The following EIF3I variants were observed in gnomAD, a reference collection of about 807,000 sequenced individuals.
EIF3I encodes the protein TGF-beta receptor-interacting protein 1.
A neutral mutation model predicts 43.3 loss-of-function variants in EIF3I; 20 were observed. The observed-to-expected ratio is 0.46, with a 90% CI of 0.32 to 0.67. EIF3I has a LOEUF of 0.67. EIF3I is among the 30% of genes least tolerant of loss of function. The pLI is 0.03. For missense variants in EIF3I, 279 were observed against 421.4 expected (o/e 0.66, Z 2.96); for synonymous variants, 167 against 151.7 (o/e 1.10, Z -0.74).
downstream of EIF3I, among the ~76,000 whole-genome samples, chr1:32,235,453 C>T (rs970477074): frequency 6.6e-6 from 1 of 152,054 alleles, no homozygotes; most frequent in Non-Finnish European, 1.5e-5. Flanking sequence ...GCCTCAGCCT[C>T]CAGAGTAGCT....
exon 8 of EIF3I, chr1:32,228,808 T>G: frequency 1.9e-6 from 3 of 1,613,414 alleles, no homozygotes; most frequent in Non-Finnish European, 2.5e-6. Context: ...CTCCCCCAAC[T>G]ATGACCATGT....
Position 32,228,662 on chromosome 1 carries a change from C to A in EIF3I, c.639+53C>A, listed in dbSNP as rs111871172. The A allele has an allele frequency of 8.3e-5, 133 of 1,604,636 alleles. 2 individuals are homozygous for A. The African/African-American group carries it at 1.4e-3, about 17-fold the overall frequency. On this transcript the variant is annotated intron_variant, in intron 7 of 11. Coordinates refer to ENST00000676679, the Ensembl canonical transcript of EIF3I. ...CTGCTCCCTCCCTCCGGCTGCACAG[C>A]TCACCCTGCCCGACTTCCCCCAGGA... is the stretch of plus-strand genomic sequence containing the variant.
chr1:32,229,592 C>T (rs1639203165), intron 9 of EIF3I, among the ~76,000 whole-genome samples: 1 of 139,392 alleles, frequency 7.2e-6, no homozygotes, highest in Non-Finnish European at 1.5e-5. Context: ...GCTCTGTCAC[C>T]CAGGCTGGAG....
chr1:32,224,035 T>A (rs1034196256), exon 3 of EIF3I: 4 of 1,614,156 alleles, frequency 2.5e-6, no homozygotes, highest in Non-Finnish European at 3.4e-6. Context: ...CTTTTCCAGA[T>A]CGTCAATGTA....
chr1:32,233,540 C>T (rs965561191), downstream of EIF3I, among the ~76,000 whole-genome samples: 3 of 151,190 alleles, frequency 2.0e-5, no homozygotes, highest in Admixed American at 2.0e-4. Context: ...ACCTGCCTGC[C>T]TCAGCTCCCA....
intron 7 of EIF3I, 54 bp from the exon 8 acceptor site, chr1:32,228,673 C>G: frequency 6.2e-7 from 1 of 1,603,930 alleles, no homozygotes; most frequent in Admixed American, 1.7e-5. Context: ...TCACCCTGCC[C>G]GACTTCCCCC....
chr1:32,228,514 G>A (rs1639184424), exon 7 of EIF3I: 2 of 1,614,136 alleles, frequency 1.2e-6, no homozygotes, highest in Non-Finnish European at 1.7e-6. Context: ...AGAGGTGTTG[G>A]TGAATGTTAA....
In EIF3I at chr1:32,225,793, C is replaced by T. The variant is rs1372810415; in HGVS notation, c.251-378C>T. Among the ~76,000 whole-genome samples the T allele has an allele frequency of 4.6e-5, 7 of 151,696 alleles. No individual in the cohort carries two copies. The East Asian group carries it at 9.7e-4, about 21-fold the overall frequency. On this transcript the variant is annotated intron_variant, in intron 4 of 11. Coordinates refer to ENST00000676679, the Ensembl canonical transcript of EIF3I. Reference sequence around the variant, plus strand: ...ATCCCAGCACTTTGGGAGGCTGAGGCGGGCGGATCACGGGTCAGGAGATCA... The same window carrying T: ...ATCCCAGCACTTTGGGAGGCTGAGGTGGGCGGATCACGGGTCAGGAGATCA...
chr1:32,226,037 A>G, intron 4 of EIF3I, 134 bp from the exon 5 acceptor site: 1 of 1,239,330 alleles, frequency 8.1e-7, no homozygotes, highest in Non-Finnish European at 1.1e-6. Context: ...GAAAAAAAAA[A>G]AGAAAAGTTA....
At chr1:32,229,048 A>C (rs574786196) in intron 8 of EIF3I, 87 bp from the exon 9 acceptor site, 1 of 1,396,966 alleles carries the variant, frequency 7.2e-7, no homozygotes, top group Non-Finnish European at 9.9e-7. Context: ...GAGCCGTGTG[A>C]GATGTTAAAA....
chr1:32,222,436 G>C, exon 1 of EIF3I: 1 of 1,598,998 alleles, frequency 6.3e-7, no homozygotes, highest in Non-Finnish European at 8.6e-7. Context: ...TCGCGTCACA[G>C]CCGGGATGGT....
chr1:32,232,170 C>A (rs1474552211), downstream of EIF3I: 1 of 152,202 alleles, frequency 6.6e-6, no homozygotes, highest in East Asian at 1.9e-4. Context: ...TCTGAGTCCT[C>A]CCTTCACACG....
At chr1:32,233,151 G>A (rs1035487889), downstream of EIF3I, among the ~76,000 whole-genome samples, 8 of 152,014 alleles carry the variant, frequency 5.3e-5, no homozygotes, top group African/African-American at 1.4e-4. Flanking sequence ...GTGCCAACAC[G>A]CCCGGCTAAT....
At chr1:32,222,916 G>A (rs192523922) in intron 2 of EIF3I, among the ~76,000 whole-genome samples, 1 of 152,238 alleles carries the variant, frequency 6.6e-6, no homozygotes, top group East Asian at 1.9e-4. Context: ...GAGCAACGTA[G>A]TAAGACCCAT....
chr1:32,223,512 T>C (rs902461432), intron 2 of EIF3I, among the ~76,000 whole-genome samples: 2 of 152,206 alleles, frequency 1.3e-5, no homozygotes, highest in African/African-American at 4.8e-5. Flanking sequence ...CTTGAACTCC[T>C]GACCTCAGGT....
intron 4 of EIF3I, 119 bp from the exon 5 acceptor site, chr1:32,226,052 A>G: frequency 7.5e-7 from 1 of 1,326,502 alleles, no homozygotes; most frequent in Non-Finnish European, 1.0e-6. Context: ...AAGTTAAAAT[A>G]CTTTTTAAGT....
intron 2 of EIF3I, 24 bp downstream of exon 2, chr1:32,222,654 C>A: frequency 6.3e-7 from 1 of 1,584,664 alleles, no homozygotes; most frequent in Non-Finnish European, 8.7e-7. Context: ...GGAGGGGGTC[C>A]GGGAGGGGCG....
downstream of EIF3I, among the ~76,000 whole-genome samples, chr1:32,236,038 C>A (rs1378546656): frequency 1.3e-5 from 2 of 152,180 alleles, no homozygotes; most frequent in East Asian, 3.8e-4. Context: ...ACTCGACACT[C>A]CCACCATACC....
At chr1:32,231,841 G>T (rs1375462630), downstream of EIF3I, 3 of 152,838 alleles carry the variant, frequency 2.0e-5, no homozygotes, top group Non-Finnish European at 2.9e-5. Context: ...CCAGTGCTTA[G>T]AATAGGGGCT....
Sources: gnomAD v4.1 joint callset for allele counts (sites outside exome capture counted in the v4.1 genomes callset) on GRCh38, gnomAD v4.1.1 for gene constraint, MANE v1.5 for transcripts, NCBI Gene and HGNC (gene_info 2026-07-23, HGNC 2026-07-21) for gene names.